The following DYNC2H1 variants were observed in gnomAD, a reference collection of about 807,000 sequenced individuals.
DYNC2H1 encodes cytoplasmic dynein 2 heavy chain 1.
A neutral mutation model predicts 570.0 loss-of-function variants in DYNC2H1; 410 were observed. The observed-to-expected ratio is 0.72, with a 90% CI of 0.66 to 0.78. DYNC2H1 has a LOEUF of 0.78. DYNC2H1 is among the 30% of genes least tolerant of loss of function. The probability of loss-of-function intolerance (pLI) is 0.00; values close to 1 mark genes in which losing one functional copy is unlikely to be tolerated. For synonymous variants in DYNC2H1, 1,688 were observed against 1,677.6 expected (o/e 1.01, Z -0.15); for missense variants, 4,865 against 5,046.4 (o/e 0.96, Z 1.09).
rs1940759251 is a variant in DYNC2H1 at position 103,363,548 on chromosome 11, T to G, written c.12156+5189T>G. The stretch of plus-strand genomic sequence containing the variant: ...TTGTTCTTTCCCAAACTTGAGCTCC[T>G]TTAAGGGAAATACTGATAGATATGG... On this transcript the variant is annotated intron_variant, in intron 83 of 88. Coordinates refer to ENST00000375735, the MANE Select transcript of DYNC2H1 (RefSeq NM_001377.3). The surrounding 1 kb of genome is among the most constrained non-coding windows in gnomAD (Gnocchi z 5.6). Among the ~76,000 whole-genome samples, 1 of 152,214 alleles carries G rather than the reference T, an allele frequency of 6.6e-6. No homozygotes were observed. Among genetic ancestry groups the G allele is most frequent in the Non-Finnish European group, 1.5e-5 (1 of 68,022 alleles).
intron 13 of DYNC2H1, among the ~76,000 whole-genome samples, chr11:103,131,584 T>C (rs1436059083): frequency 1.3e-5 from 2 of 152,164 alleles, no homozygotes; most frequent in Non-Finnish European, 2.9e-5. Context: ...AGAAATAACT[T>C]CCTTTAGCCA....
In DYNC2H1 at chr11:103,282,103, T is replaced by C. The variant is rs1012769161; in HGVS notation, c.10762-76T>C. 2.9e-6 allele frequency: 4 copies of C among 1,376,994 alleles called. No homozygotes were observed. The African/African-American group carries it at 4.4e-5, about 15-fold the overall frequency. 85.3% of individuals were successfully genotyped at this position (1,376,994 alleles called of 1,614,324 possible). A position where few individuals can be genotyped will look rare whatever the true frequency, so the allele number is the denominator to read the frequency against. The stretch of plus-strand genomic sequence containing the variant: ...TAGAAAAATGCATTTTAAGCCATCT[T>C]ATAAGGAAAGTTAGACAATTTTGTT... On this transcript the variant is annotated intron_variant, in intron 71 of 88. Transcript: ENST00000375735.
intron 1 of DYNC2H1, 42 bp from the exon 2 acceptor site, chr11:103,113,494 TA>T: frequency 3.5e-6 from 5 of 1,415,438 alleles, no homozygotes; most frequent in Non-Finnish European, 3.7e-6. Context: ...TTTCAAATAT[TA>T]AATTTTATGA....
intron 54 of DYNC2H1, among the ~76,000 whole-genome samples, chr11:103,213,268 C>T (rs7111369): frequency 0.01 from 1,570 of 152,190 alleles, 26 homozygotes; most frequent in African/African-American, 0.036. Context: ...GTCATGTCTA[C>T]TATAAAAAAC....
Position 103,133,317 on chromosome 11 carries a change from C to T in DYNC2H1, c.1954-238C>T, listed in dbSNP as rs749833416. On this transcript the variant is annotated intron_variant, in intron 13 of 88. Coordinates refer to ENST00000375735, the MANE Select transcript of DYNC2H1 (RefSeq NM_001377.3). The surrounding 1 kb of genome is among the most constrained non-coding windows in gnomAD (Gnocchi z 4.8). ...CTTCTTCATTCTTCCTTTCCGTCACCTTATGCTTGTTTGTTGTGTTATGTC... is the reference window on the plus strand; with the variant it reads ...CTTCTTCATTCTTCCTTTCCGTCACTTTATGCTTGTTTGTTGTGTTATGTC... Among the ~76,000 whole-genome samples, 1 of 151,988 alleles carries T rather than the reference C, an allele frequency of 6.6e-6. No individual in the cohort carries two copies. Among genetic ancestry groups the T allele is most frequent in the Non-Finnish European group, 1.5e-5 (1 of 68,002 alleles).
At chr11:103,112,980 C>T (rs1440419150) in intron 1 of DYNC2H1, among the ~76,000 whole-genome samples, 1 of 152,132 alleles carries the variant, frequency 6.6e-6, no homozygotes, top group Non-Finnish European at 1.5e-5. Context: ...GCTCTTAACT[C>T]TTTAAGGAAA....
At chr11:103,345,321 T>G (rs1490087712) in intron 82 of DYNC2H1, among the ~76,000 whole-genome samples, 1 of 152,060 alleles carries the variant, frequency 6.6e-6, no homozygotes, top group Non-Finnish European at 1.5e-5. Flanking sequence ...ACTAGGAACG[T>G]TTGTGGCTAT....
intron 70 of DYNC2H1, among the ~76,000 whole-genome samples, chr11:103,263,251 A>G (rs1865383418): frequency 6.6e-6 from 1 of 152,108 alleles, no homozygotes; most frequent in Non-Finnish European, 1.5e-5. Flanking sequence ...CCCATGTAGT[A>G]ATATTGAGAG....
rs1858232213 is a variant in DYNC2H1, at chr11:103,113,741, G to A, written c.366+34G>A. ...AGAAGCTGTCATTTTTTTTAACTGA[G>A]GTATTTGGATAAATGTTTTCATATA... is the stretch of plus-strand genomic sequence containing the variant. On this transcript the variant is annotated intron_variant, in intron 2 of 88. Transcript: ENST00000375735. 6 of 1,449,480 alleles carry A rather than the reference G, an allele frequency of 4.1e-6. No individual in the cohort carries two copies. In the East Asian group the frequency reaches 1.6e-4, roughly 38 times the overall value. The allele number at this position is 1,449,480 out of a possible 1,614,324, so 89.8% of individuals were successfully genotyped here.
intron 65 of DYNC2H1, among the ~76,000 whole-genome samples, chr11:103,246,299 C>T (rs1159772814): frequency 6.6e-6 from 1 of 151,962 alleles, no homozygotes; most frequent in African/African-American, 2.4e-5. Context: ...GAGCTAGTTT[C>T]TTGCTATGAT....
rs1341836426 is a variant in DYNC2H1, at chr11:103,201,984, T to A, written c.8198-1679T>A. ...TTTCAACTCAGTTTTCAATAAATACTTGCTTTGTATCATGCTAGTGCTCTG... is the reference window on the plus strand; with the variant it reads ...TTTCAACTCAGTTTTCAATAAATACATGCTTTGTATCATGCTAGTGCTCTG... On this transcript the variant is annotated intron_variant, in intron 50 of 88. Coordinates refer to ENST00000375735, the MANE Select transcript of DYNC2H1 (RefSeq NM_001377.3). This position sits in a 1 kb window ranked among gnomAD's most constrained non-coding sequence, Gnocchi z 4.8. Among the ~76,000 whole-genome samples, 1 of 152,182 alleles carries A rather than the reference T, an allele frequency of 6.6e-6. No homozygotes were observed. The highest frequency in any genetic ancestry group is 1.9e-4 in the East Asian group (1 of 5,190).
At chr11:103,401,427 G>A (rs1251042207) in intron 84 of DYNC2H1, among the ~76,000 whole-genome samples, 1 of 152,124 alleles carries the variant, frequency 6.6e-6, no homozygotes, top group Non-Finnish European at 1.5e-5. Context: ...AGTAGGACGG[G>A]TACACAATGA....
chr11:103,454,885 A>G (rs1216925794), intron 85 of DYNC2H1: 1 of 257,808 alleles, frequency 3.9e-6, no homozygotes, highest in East Asian at 8.0e-5. Context: ...GCACACTACA[A>G]GTGCTGGCCC....
rs1460738373 is a variant in DYNC2H1 at position 103,153,296 on chromosome 11, C to A, written c.3097-7C>A. The A allele has an allele frequency of 2.2e-5, 33 of 1,528,036 alleles. No individual in the cohort carries two copies. Among genetic ancestry groups the A allele is most frequent in the Non-Finnish European group, 2.8e-5 (32 of 1,140,300 alleles). 94.7% of individuals were successfully genotyped at this position (1,528,036 alleles called of 1,614,324 possible). ...CATTAAATTATTTAAATTTTATTGGCTTATAGATTGAAGTGATGAAAGGAA... is the reference window on the plus strand; with the variant it reads ...CATTAAATTATTTAAATTTTATTGGATTATAGATTGAAGTGATGAAAGGAA... On this transcript the variant is annotated splice_polypyrimidine_tract_variant and splice_region_variant and intron_variant, in intron 21 of 88. Transcript: ENST00000375735.
chr11:103,284,103 T>G (rs79770743), intron 73 of DYNC2H1, among the ~76,000 whole-genome samples: 19,114 of 152,106 alleles, frequency 0.13, 1,898 homozygotes, highest in African/African-American at 0.27. Context: ...AGATTCCTCA[T>G]TCCCCACCAT....
intron 44 of DYNC2H1, among the ~76,000 whole-genome samples, 194 bp downstream of exon 44, chr11:103,188,842 C>G (rs1862183142): frequency 6.6e-6 from 1 of 151,980 alleles, no homozygotes; most frequent in South Asian, 2.1e-4. Flanking sequence ...ATCAAAGCAT[C>G]TTATTTATGA....
chr11:103,411,145 GTTAA>G (rs1943068911), intron 84 of DYNC2H1, among the ~76,000 whole-genome samples: 1 of 152,086 alleles, frequency 6.6e-6, no homozygotes, highest in Non-Finnish European at 1.5e-5. Context: ...TCAGCGTAAA[GTTAA>G]TTAGAATATG....
At chr11:103,238,546 G>C (rs957208363) in intron 63 of DYNC2H1, among the ~76,000 whole-genome samples, 1 of 149,238 alleles carries the variant, frequency 6.7e-6, no homozygotes, top group African/African-American at 2.5e-5. Context: ...ACTCCAGCCT[G>C]GGTGACAGAG....
chr11:103,316,427 C>A (rs756806735), intron 79 of DYNC2H1, 118 bp from the exon 80 acceptor site: 14 of 621,060 alleles, frequency 2.3e-5, no homozygotes, highest in Non-Finnish European at 3.4e-5. Context: ...ATTAAAAATT[C>A]TCAGGAGTTA....
Sources: allele counts gnomAD v4.1 joint callset (sites outside exome capture counted in the v4.1 genomes callset), GRCh38; gene constraint gnomAD v4.1.1; non-coding constraint Gnocchi (gnomAD v3.1); transcripts MANE v1.5; gene names NCBI Gene and HGNC (gene_info 2026-07-23, HGNC 2026-07-21).